The following CTIF variants were observed in gnomAD, a reference collection of about 807,000 sequenced individuals.
CTIF encodes the protein CBP80/20-dependent translation initiation factor.
In CTIF, 21 loss-of-function variants were observed where a neutral mutation model predicts 66.0. The observed-to-expected ratio is 0.32, with a 90% CI of 0.23 to 0.46. The LOEUF (loss-of-function observed/expected upper bound fraction) is 0.46. CTIF is among the 20% of genes least tolerant of loss of function. The pLI is 1.00. For missense variants in CTIF, 739 were observed against 812.7 expected (o/e 0.91, Z 1.10); for synonymous variants, 345 against 326.4 (o/e 1.06, Z -0.62).
intron 10 of CTIF, among the ~76,000 whole-genome samples, chr18:48,852,543 G>A (rs1401172222): frequency 2.0e-5 from 3 of 152,160 alleles, no homozygotes; most frequent in Non-Finnish European, 4.4e-5. Context: ...ACCGTTGCCT[G>A]TGGCCCAAGA....
At chr18:48,798,505 C>G (rs2067979041) in intron 9 of CTIF, among the ~76,000 whole-genome samples, 1 of 152,222 alleles carries the variant, frequency 6.6e-6, no homozygotes, top group Non-Finnish European at 1.5e-5. Context: ...TCTGCACTTG[C>G]TACTGAGTGT....
chr18:48,545,617 G>A (rs1185846671), intron 1 of CTIF, among the ~76,000 whole-genome samples: 5 of 152,146 alleles, frequency 3.3e-5, no homozygotes, highest in Admixed American at 1.3e-4. Context: ...TGCTGGAGCA[G>A]GGTCTGCTGG....
intron 3 of CTIF, among the ~76,000 whole-genome samples, chr18:48,657,134 C>A (rs1598814899): frequency 1.3e-5 from 2 of 152,054 alleles, no homozygotes; most frequent in Admixed American, 1.3e-4. Context: ...TCCATGGAAC[C>A]CTAGTCCTGC....
rs1461816976 is a variant in CTIF, at chr18:48,859,646, C to T, written c.*87C>T. On this transcript the variant is annotated 3_prime_UTR_variant, in exon 12 of 12. Transcript: ENST00000256413. Reference sequence around the variant, plus strand: ...GGACAGGCGGGAGGACAGGGGTGGCCCTGGCGGGAGAAAGAAATGGGGAGG... The same window carrying T: ...GGACAGGCGGGAGGACAGGGGTGGCTCTGGCGGGAGAAAGAAATGGGGAGG... 4 of 1,306,994 alleles carry T rather than the reference C, an allele frequency of 3.1e-6. No individual in the cohort carries two copies. Among genetic ancestry groups the T allele is most frequent in the Middle Eastern group, 1.8e-4 (1 of 5,430 alleles). 81.0% of individuals were successfully genotyped at this position (1,306,994 alleles called of 1,614,324 possible).
chr18:48,547,790 A>C (rs1445304202), intron 1 of CTIF, among the ~76,000 whole-genome samples: 3 of 152,160 alleles, frequency 2.0e-5, no homozygotes, highest in Admixed American at 1.3e-4. Context: ...CAGCTTTTGA[A>C]GATAGATGTG....
intron 1 of CTIF, among the ~76,000 whole-genome samples, chr18:48,587,032 C>T (rs1047758576): frequency 2.0e-5 from 3 of 151,962 alleles, no homozygotes; most frequent in African/African-American, 7.2e-5. Flanking sequence ...ACACAACCCA[C>T]TGTGGCCACT....
intron 9 of CTIF, among the ~76,000 whole-genome samples, chr18:48,807,684 A>T (rs930631504): frequency 6.7e-6 from 1 of 149,932 alleles, no homozygotes; most frequent in Admixed American, 6.7e-5. Context: ...GGTGCAAGTG[A>T]TTCTCCTACC....
chr18:48,620,954 G>A (rs183163625), intron 2 of CTIF, among the ~76,000 whole-genome samples: 6 of 151,232 alleles, frequency 4.0e-5, no homozygotes, highest in East Asian at 1.9e-4. Context: ...GGGAAGCAGG[G>A]GACAGAAAAT....
chr18:48,845,554 A>G (rs899943895), intron 10 of CTIF, among the ~76,000 whole-genome samples: 8 of 151,934 alleles, frequency 5.3e-5, no homozygotes, highest in African/African-American at 1.9e-4. Context: ...TGCTGTGTTC[A>G]GGTTGGGAGC....
chr18:48,848,900 A>G (rs1482735754), intron 10 of CTIF, among the ~76,000 whole-genome samples: 2 of 152,252 alleles, frequency 1.3e-5, no homozygotes, highest in East Asian at 1.9e-4. Flanking sequence ...ACAGGAATGC[A>G]TTCGCTTCCG....
At chr18:48,638,503 T>G (rs1337678592) in intron 3 of CTIF, among the ~76,000 whole-genome samples, 1 of 152,126 alleles carries the variant, frequency 6.6e-6, no homozygotes, top group Non-Finnish European at 1.5e-5. Flanking sequence ...TCCCCTCATC[T>G]GCCTCACCTC....
chr18:48,706,203 T>C (rs1051989848), intron 6 of CTIF, among the ~76,000 whole-genome samples: 1 of 152,192 alleles, frequency 6.6e-6, no homozygotes, highest in Non-Finnish European at 1.5e-5. Context: ...TATCATATGA[T>C]ATACTTTGTT....
In CTIF at chr18:48,855,684, CA is replaced by C. The variant is rs1406433404; in HGVS notation, c.1528-1903del. On this transcript the variant is annotated intron_variant, in intron 10 of 11. Transcript: ENST00000256413. ...GAAGGAAGTGGGGACCAGGATGACG[CA>C]TCAGGACGCGGGACAGTCCTCCATG... Among the ~76,000 whole-genome samples, 6 of 152,214 alleles carry C rather than the reference CA, an allele frequency of 3.9e-5. No homozygotes were observed. The South Asian group carries it at 1.2e-3, about 32-fold the overall frequency.
At chr18:48,719,293 T>G (rs1037245424) in intron 7 of CTIF, among the ~76,000 whole-genome samples, 1 of 152,128 alleles carries the variant, frequency 6.6e-6, no homozygotes, top group Non-Finnish European at 1.5e-5. Context: ...ATCCCTCTCT[T>G]TAAGTCACAG....
At chr18:48,811,439 A>C (rs574111131) in intron 9 of CTIF, among the ~76,000 whole-genome samples, 17 of 152,294 alleles carry the variant, frequency 1.1e-4, no homozygotes, top group Admixed American at 2.0e-4. Flanking sequence ...ATAACATAAA[A>C]TATACTATTT....
At chr18:48,663,674 C>T (rs2091385127) in intron 3 of CTIF, 78 bp from the exon 4 acceptor site, 3 of 1,330,416 alleles carry the variant, frequency 2.3e-6, no homozygotes, top group Middle Eastern at 1.8e-4. Context: ...GCCCCCCAGC[C>T]CCTCAGGCCC....
intron 7 of CTIF, 39 bp from the exon 8 acceptor site, chr18:48,757,880 C>T (rs748968082): frequency 1.9e-6 from 3 of 1,582,986 alleles, no homozygotes; most frequent in Non-Finnish European, 2.6e-6. Flanking sequence ...CCAGCCCGCC[C>T]AGTGATCGCC....
chr18:48,680,438 G>C (rs1412270416), intron 6 of CTIF, among the ~76,000 whole-genome samples: 1 of 152,258 alleles, frequency 6.6e-6, no homozygotes, highest in Non-Finnish European at 1.5e-5. Context: ...ACAAAGAGCT[G>C]CTGGCCTAGC....
intron 2 of CTIF, among the ~76,000 whole-genome samples, chr18:48,632,645 G>A (rs1055366012): frequency 1.6e-4 from 25 of 152,116 alleles, no homozygotes; most frequent in African/African-American, 4.1e-4. Context: ...CCTGACAGCC[G>A]CCATCTGCCC....
Sources: gnomAD v4.1 joint callset for allele counts (sites outside exome capture counted in the v4.1 genomes callset) on GRCh38, gnomAD v4.1.1 for gene constraint, MANE v1.5 for transcripts, NCBI Gene and HGNC (gene_info 2026-07-23, HGNC 2026-07-21) for gene names.